Variants in TNNI3K observed in about 807,000 individuals in gnomAD.
TNNI3K encodes the protein serine/threonine-protein kinase TNNI3K.
Under a neutral mutation model 114.5 loss-of-function variants are expected in TNNI3K, and 140 were observed. The observed-to-expected ratio is 1.22, with a 90% CI of 1.07 to 1.41. TNNI3K has a LOEUF of 1.41. Among genes scored for constraint, TNNI3K ranks in the 40% most tolerant of loss-of-function variants. The probability of loss-of-function intolerance (pLI) is 0.00; values close to 1 mark genes in which losing one functional copy is unlikely to be tolerated. For missense variants in TNNI3K, 1,125 were observed against 1,007.6 expected (o/e 1.12, Z -1.58); for synonymous variants, 347 against 347.5 (o/e 1.00, Z 0.02).
At chr1:74,467,994 C>A (rs553610149) in intron 21 of TNNI3K, among the ~76,000 whole-genome samples, 66 of 152,212 alleles carry the variant, frequency 4.3e-4, no homozygotes, top group African/African-American at 1.5e-3. Context: ...GATTACAACA[C>A]ACAGACTACA....
chr1:74,430,252 A>G (rs1163212198), intron 17 of TNNI3K, among the ~76,000 whole-genome samples: 1 of 152,080 alleles, frequency 6.6e-6, no homozygotes, highest in Non-Finnish European at 1.5e-5. Flanking sequence ...CTGATTATGA[A>G]TCATTCGAGC....
At chr1:74,289,770 T>G (rs569714335) in intron 5 of TNNI3K, among the ~76,000 whole-genome samples, 10 of 151,956 alleles carry the variant, frequency 6.6e-5, no homozygotes, top group African/African-American at 2.4e-4. Flanking sequence ...AAATTATATG[T>G]GTCTAGTCCT....
rs1646761180 is a variant in TNNI3K, at chr1:74,544,232, A to G, written c.*250A>G. 2.5e-6 allele frequency: 1 copy of G among 407,662 alleles called. No individual in the cohort carries two copies. The highest frequency in any genetic ancestry group is 4.3e-6 in the Non-Finnish European group (1 of 233,994). 25.3% of individuals were successfully genotyped at this position (407,662 alleles called of 1,614,324 possible). A position where few individuals can be genotyped will look rare whatever the true frequency, so the allele number is the denominator to read the frequency against. ...TTTTTAATTTTGTAAATTAAAAAAAAATTTAGATCGTTACTTGGAAATGGA... is the reference window on the plus strand; with the variant it reads ...TTTTTAATTTTGTAAATTAAAAAAAGATTTAGATCGTTACTTGGAAATGGA... On this transcript the variant is annotated 3_prime_UTR_variant, in exon 25 of 25. Transcript: ENST00000326637.
chr1:74,363,364 G>A (rs1463179844), intron 11 of TNNI3K, among the ~76,000 whole-genome samples: 1 of 152,010 alleles, frequency 6.6e-6, no homozygotes, highest in Non-Finnish European at 1.5e-5. Context: ...CAGAGCTGAG[G>A]GGGCCTCTTG....
chr1:74,363,012 G>C (rs369796761), intron 11 of TNNI3K, among the ~76,000 whole-genome samples: 1 of 152,052 alleles, frequency 6.6e-6, no homozygotes, highest in East Asian at 1.9e-4. Context: ...TAAAATGCTT[G>C]GGTGTAGATA....
At chr1:74,502,437 A>G (rs1451391370) in intron 23 of TNNI3K, among the ~76,000 whole-genome samples, 10 of 152,264 alleles carry the variant, frequency 6.6e-5, no homozygotes, top group South Asian at 4.1e-4. Context: ...AGCAATGCAT[A>G]TAACTATTTA....
chr1:74,426,272 T>C (rs1665637390), intron 17 of TNNI3K, among the ~76,000 whole-genome samples: 1 of 152,094 alleles, frequency 6.6e-6, no homozygotes, highest in African/African-American at 2.4e-5. Context: ...GTCATACTTT[T>C]AAAAACACTC....
chr1:74,248,510 G>A (rs1654729550), intron 2 of TNNI3K, among the ~76,000 whole-genome samples: 2 of 152,222 alleles, frequency 1.3e-5, no homozygotes, highest in Non-Finnish European at 2.9e-5. Context: ...ACAGTATCTG[G>A]CATGTGATAT....
At chr1:74,388,501 C>T (rs1251639412) in intron 17 of TNNI3K, among the ~76,000 whole-genome samples, 4 of 152,176 alleles carry the variant, frequency 2.6e-5, no homozygotes, top group Non-Finnish European at 5.9e-5. Flanking sequence ...CAAACCACAA[C>T]TAATCAGTCT....
chr1:74,331,788 G>A (rs565877055), intron 6 of TNNI3K, among the ~76,000 whole-genome samples: 36 of 152,232 alleles, frequency 2.4e-4, no homozygotes, highest in Admixed American at 8.5e-4. Flanking sequence ...GTAAGTGTGT[G>A]GCCTCAGGAA....
intron 21 of TNNI3K, among the ~76,000 whole-genome samples, chr1:74,479,319 C>A (rs568726385): frequency 1.1e-4 from 16 of 152,296 alleles, no homozygotes; most frequent in Non-Finnish European, 2.2e-4. Flanking sequence ...TTATATTATT[C>A]ATCCAGTGAG....
chr1:74,287,972 A>T (rs752224553), intron 5 of TNNI3K, among the ~76,000 whole-genome samples: 8 of 152,176 alleles, frequency 5.3e-5, no homozygotes, highest in Non-Finnish European at 8.8e-5. Context: ...AATCGCCAAG[A>T]AGTATATGAA....
intron 21 of TNNI3K, among the ~76,000 whole-genome samples, chr1:74,486,950 A>T (rs540054727): frequency 6.6e-6 from 1 of 152,298 alleles, no homozygotes; most frequent in Admixed American, 6.5e-5. Context: ...AGATCTTTGT[A>T]ACCTTGACAA....
At chr1:74,468,265 G>GA (rs200871932) in intron 21 of TNNI3K, 165 of 128,952 alleles carry the variant, frequency 1.3e-3, no homozygotes, top group Middle Eastern at 4.0e-3. Context: ...TAAAGAAGAA[G>GA]AAAAAAAAAA....
chr1:74,497,851 A>G (rs575285949), intron 23 of TNNI3K, among the ~76,000 whole-genome samples: 11 of 152,300 alleles, frequency 7.2e-5, no homozygotes, highest in South Asian at 4.1e-4. Flanking sequence ...CCGGAGTCCA[A>G]TTGATTCAGG....
At chr1:74,365,631 T>C (rs1406692393) in intron 11 of TNNI3K, among the ~76,000 whole-genome samples, 1 of 152,108 alleles carries the variant, frequency 6.6e-6, no homozygotes, top group Admixed American at 6.6e-5. Context: ...AAACATGTTA[T>C]GTTTGCTCCC....
chr1:74,535,962 AT>A (rs974961090), intron 23 of TNNI3K, among the ~76,000 whole-genome samples: 39 of 152,308 alleles, frequency 2.6e-4, no homozygotes, highest in African/African-American at 8.9e-4. Flanking sequence ...CATCAAAAAA[AT>A]AATAAAGTAA....
At chr1:74,527,509 A>T (rs1004897034) in intron 23 of TNNI3K, among the ~76,000 whole-genome samples, 3 of 152,212 alleles carry the variant, frequency 2.0e-5, no homozygotes, top group Non-Finnish European at 4.4e-5. Context: ...CAGATGTGGG[A>T]TTTATAAGGC....
At chr1:74,355,553 G>A (rs1661608602) in intron 11 of TNNI3K, among the ~76,000 whole-genome samples, 1 of 152,004 alleles carries the variant, frequency 6.6e-6, no homozygotes, top group Non-Finnish European at 1.5e-5. Context: ...GTGGTGAGCT[G>A]AGATCATGCC....
Sources: allele counts gnomAD v4.1 joint callset (sites outside exome capture counted in the v4.1 genomes callset), GRCh38; gene constraint gnomAD v4.1.1; transcripts MANE v1.5; gene names NCBI Gene and HGNC (gene_info 2026-07-23, HGNC 2026-07-21).